The following MYT1L variants were observed in gnomAD, a reference collection of about 807,000 sequenced individuals.
MYT1L encodes myelin transcription factor 1 like, also known as myelin transcription factor 1-like protein.
Under a neutral mutation model 126.7 loss-of-function variants are expected in MYT1L, and 12 were observed. The observed-to-expected ratio is 0.09, with a 90% CI of 0.06 to 0.15. MYT1L has a LOEUF of 0.15. MYT1L is among the 10% of genes least tolerant of loss of function. The pLI, the probability that MYT1L is intolerant of heterozygous loss-of-function variation, is 1.00. For synonymous variants in MYT1L, 541 were observed against 604.2 expected (o/e 0.90, Z 1.53); for missense variants, 979 against 1,585.2 (o/e 0.62, Z 6.49).
In MYT1L at chr2:2,185,892, C is replaced by T. The variant is rs550742224; in HGVS notation, c.-420-12904G>A. On this transcript the variant is annotated intron_variant, in intron 2 of 24. Coordinates refer to ENST00000647738, the MANE Select transcript of MYT1L (RefSeq NM_001303052.2). The stretch of plus-strand genomic sequence containing the variant: ...CCGCGTTCCTTACGTGAGGGGGACG[C>T]AGCCGGGCCTTCCGGGCCTTCCCAA... Among the ~76,000 whole-genome samples, 227 of 120,950 alleles carry T rather than the reference C, an allele frequency of 1.9e-3. 4 individuals are homozygous for T. The highest frequency in any genetic ancestry group is 7.9e-3 in the African/African-American group (209 of 26,318). 79.3% of individuals were successfully genotyped at this position (120,950 alleles called of 152,430 possible).
intron 3 of MYT1L, among the ~76,000 whole-genome samples, chr2:2,061,540 A>C (rs1294138649): frequency 6.6e-6 from 1 of 152,194 alleles, no homozygotes; most frequent in Non-Finnish European, 1.5e-5. Context: ...GCATTTTGTC[A>C]GTTACCAAAT....
intron 9 of MYT1L, among the ~76,000 whole-genome samples, chr2:1,933,501 A>G (rs2149193637): frequency 6.6e-6 from 1 of 152,364 alleles, no homozygotes; most frequent in East Asian, 1.9e-4. Flanking sequence ...CCGAAGACTG[A>G]ACAATTTTGG....
chr2:2,170,102 C>T (rs1235363594), intron 3 of MYT1L, among the ~76,000 whole-genome samples: 2 of 152,190 alleles, frequency 1.3e-5, no homozygotes, highest in African/African-American at 2.4e-5. Context: ...GTACCACGCT[C>T]ACGTATCAGC....
intron 4 of MYT1L, among the ~76,000 whole-genome samples, chr2:2,031,588 G>A (rs868631843): frequency 6.1e-5 from 5 of 82,332 alleles, no homozygotes; most frequent in African/African-American, 2.7e-4. Context: ...CACACCCCTC[G>A]CCAGTGCCTC....
intron 4 of MYT1L, among the ~76,000 whole-genome samples, chr2:2,031,140 T>C (rs980556194): frequency 1.3e-5 from 2 of 152,232 alleles, no homozygotes; most frequent in African/African-American, 4.8e-5. Context: ...ATTTTAGAGA[T>C]GTGGCATGTC....
At chr2:1,923,745 C>G (rs573189360) in intron 9 of MYT1L, among the ~76,000 whole-genome samples, 1 of 152,102 alleles carries the variant, frequency 6.6e-6, no homozygotes, top group African/African-American at 2.4e-5. Context: ...TTCACAGTGG[C>G]GTGTAGGCAA....
chr2:1,822,137 G>C (rs1220464246), intron 21 of MYT1L, among the ~76,000 whole-genome samples: 11 of 152,166 alleles, frequency 7.2e-5, no homozygotes, highest in Non-Finnish European at 2.9e-5. Context: ...CTCCCCAACA[G>C]CTCCTCTGCA....
intron 13 of MYT1L, among the ~76,000 whole-genome samples, chr2:1,909,129 T>TA (rs1211883688): frequency 6.6e-6 from 1 of 152,212 alleles, no homozygotes; most frequent in Non-Finnish European, 1.5e-5. Flanking sequence ...TTTACTTTTT[T>TA]ATTTTTTTGA....
chr2:2,027,081 A>G (rs1238079152), intron 4 of MYT1L, among the ~76,000 whole-genome samples: 3 of 152,108 alleles, frequency 2.0e-5, no homozygotes, highest in Admixed American at 2.0e-4. Flanking sequence ...AGGAAGAGAG[A>G]TGAGCCGTGC....
intron 3 of MYT1L, among the ~76,000 whole-genome samples, chr2:2,111,438 G>A (rs535280374): frequency 1.3e-4 from 20 of 152,308 alleles, no homozygotes; most frequent in Admixed American, 2.6e-4. Flanking sequence ...TAGCAAACCC[G>A]ATGAATTCGA....
chr2:1,948,955 GGAT>G (rs980866705), intron 8 of MYT1L, among the ~76,000 whole-genome samples: 4 of 140,076 alleles, frequency 2.9e-5, no homozygotes, highest in African/African-American at 5.5e-5. Context: ...GATATTTTTA[GGAT>G]GATGATATTT....
chr2:2,188,711 C>T (rs1667072936), intron 2 of MYT1L, among the ~76,000 whole-genome samples: 1 of 151,978 alleles, frequency 6.6e-6, no homozygotes, highest in South Asian at 2.1e-4. Context: ...CGGGCAGATG[C>T]TCATGTTTTC....
At chr2:2,269,053 C>T (rs554527284) in intron 2 of MYT1L, among the ~76,000 whole-genome samples, 1 of 152,048 alleles carries the variant, frequency 6.6e-6, no homozygotes, top group South Asian at 2.1e-4. Context: ...TTCCATCAGC[C>T]CAGTCTCCTG....
intron 3 of MYT1L, among the ~76,000 whole-genome samples, chr2:2,084,422 T>C (rs1198993343): frequency 6.6e-6 from 1 of 152,200 alleles, no homozygotes; most frequent in Admixed American, 6.5e-5. Context: ...GTCCCTCCCA[T>C]GATCAGGTTA....
At chr2:1,838,336 C>T (rs2041182048) in intron 21 of MYT1L, among the ~76,000 whole-genome samples, 1 of 152,142 alleles carries the variant, frequency 6.6e-6, no homozygotes. Context: ...CTGAACATGC[C>T]ATTATTCCTG....
At chr2:2,272,534 A>G (rs1360490748) in intron 2 of MYT1L, among the ~76,000 whole-genome samples, 2 of 152,204 alleles carry the variant, frequency 1.3e-5, no homozygotes, top group African/African-American at 2.4e-5. Context: ...TCTCAGGGGA[A>G]TACACTTTAG....
intron 18 of MYT1L, among the ~76,000 whole-genome samples, chr2:1,871,466 C>A (rs1051841360): frequency 3.3e-5 from 5 of 152,232 alleles, no homozygotes; most frequent in African/African-American, 1.2e-4. Context: ...CTGGACACAG[C>A]GTGCCCCTGT....
intron 2 of MYT1L, among the ~76,000 whole-genome samples, chr2:2,185,494 G>GCC (rs981028538): frequency 2.2e-4 from 25 of 113,342 alleles, no homozygotes; most frequent in Non-Finnish European, 4.1e-4. Flanking sequence ...ACGCAGCCAG[G>GCC]CCTTCCGGGC....
intron 3 of MYT1L, among the ~76,000 whole-genome samples, chr2:2,125,219 G>A (rs573936000): frequency 6.6e-6 from 1 of 152,204 alleles, no homozygotes; most frequent in East Asian, 1.9e-4. Flanking sequence ...CCTCACTGCT[G>A]GGGTGGTCCA....
Sources: gnomAD v4.1 joint callset for allele counts (sites outside exome capture counted in the v4.1 genomes callset) on GRCh38, gnomAD v4.1.1 for gene constraint, MANE v1.5 for transcripts, NCBI Gene and HGNC (gene_info 2026-07-23, HGNC 2026-07-21) for gene names.